The following HECW1 variants were observed in gnomAD, a reference collection of about 807,000 sequenced individuals.
HECW1 encodes the protein HECT, C2 and WW domain containing E3 ubiquitin protein ligase 1.
A neutral mutation model predicts 182.3 loss-of-function variants in HECW1; 61 were observed. That is an observed-to-expected ratio of 0.33 (90% CI 0.27 to 0.41). HECW1 has a LOEUF of 0.41. Among genes scored for constraint, HECW1 ranks in the 10% least tolerant of loss-of-function variants. HECW1 has a pLI of 1.00. For missense variants in HECW1, 1,739 were observed against 2,108.9 expected (o/e 0.82, Z 3.44); for synonymous variants, 859 against 832.6 (o/e 1.03, Z -0.55).
intron 8 of HECW1, among the ~76,000 whole-genome samples, chr7:43,412,751 A>G (rs377448453): frequency 4.0e-5 from 6 of 151,216 alleles, no homozygotes; most frequent in Admixed American, 4.0e-4. Context: ...ATGATTTCCA[A>G]TTTCATCCAT....
intron 16 of HECW1, among the ~76,000 whole-genome samples, chr7:43,469,617 T>C (rs1262661083): frequency 2.0e-5 from 3 of 152,192 alleles, no homozygotes; most frequent in Non-Finnish European, 2.9e-5. Context: ...CATGTGATCT[T>C]CCTGGCTTAC....
chr7:43,320,648 C>G lies in HECW1; in HGVS notation c.366C>G (p.Ser122=). The change falls in exon 5 of 30, where the codon TCC becomes TCG. Residue 122 remains serine (S), a synonymous_variant. Coordinates refer to ENST00000395891, the MANE Select transcript of HECW1 (RefSeq NM_015052.5). ...IGMYLIDEVL[S]ENFLDYKNRG... Reference sequence around the variant, plus strand: ...CTGGGAATATAGATGAGGTCTTGTCCGAAAACTTTCTGGACTATAAAAACC... The same window carrying G: ...CTGGGAATATAGATGAGGTCTTGTCGGAAAACTTTCTGGACTATAAAAACC... The G allele has an allele frequency of 6.2e-7, 1 of 1,613,458 alleles. No homozygotes were observed. Among genetic ancestry groups the G allele is most frequent in the Non-Finnish European group, 8.5e-7 (1 of 1,179,468 alleles).
chr7:43,131,719 T>A (rs1786939405), intron 2 of HECW1, among the ~76,000 whole-genome samples: 1 of 152,236 alleles, frequency 6.6e-6, no homozygotes, highest in African/African-American at 2.4e-5. Context: ...GCGCTATGAT[T>A]TAAACCCTTT....
At chr7:43,539,931 T>G (rs999688895) in intron 24 of HECW1, among the ~76,000 whole-genome samples, 1 of 152,198 alleles carries the variant, frequency 6.6e-6, no homozygotes, top group African/African-American at 2.4e-5. Flanking sequence ...AATGAAGCAC[T>G]GGTGGGGTAC....
chr7:43,552,692 T>G (rs531495698), intron 28 of HECW1, among the ~76,000 whole-genome samples: 1 of 152,260 alleles, frequency 6.6e-6, no homozygotes, highest in African/African-American at 2.4e-5. Flanking sequence ...TCTGGCTTCT[T>G]TGACTTAGCC....
At chr7:43,324,427 AC>A (rs1810530971) in intron 5 of HECW1, among the ~76,000 whole-genome samples, 1 of 152,254 alleles carries the variant, frequency 6.6e-6, no homozygotes, top group South Asian at 2.1e-4. Context: ...ATATAAATTT[AC>A]ATGTTATGTG....
At chr7:43,261,598 C>G (rs1446897444) in intron 3 of HECW1, among the ~76,000 whole-genome samples, 1 of 152,130 alleles carries the variant, frequency 6.6e-6, no homozygotes, top group African/African-American at 2.4e-5. Context: ...CGGACTCCAC[C>G]CCAATTACAT....
intron 26 of HECW1, among the ~76,000 whole-genome samples, chr7:43,543,175 T>G (rs2081423805): frequency 6.6e-6 from 1 of 152,230 alleles, no homozygotes; most frequent in Non-Finnish European, 1.5e-5. Context: ...AACCTCATTT[T>G]CTAGACCTAA....
intron 29 of HECW1, among the ~76,000 whole-genome samples, chr7:43,560,534 C>G (rs2082175640): frequency 6.6e-6 from 1 of 151,990 alleles, no homozygotes; most frequent in South Asian, 2.1e-4. Context: ...CAGATGAAAA[C>G]ACCAGCATCC....
At chr7:43,312,137 C>G in intron 4 of HECW1, 50 bp downstream of exon 4, 2 of 1,456,952 alleles carry the variant, frequency 1.4e-6, no homozygotes, top group Non-Finnish European at 1.9e-6. Flanking sequence ...TTTACATATG[C>G]TGTCACATTT....
At chr7:43,138,840 A>G (rs905154999) in intron 2 of HECW1, among the ~76,000 whole-genome samples, 3 of 152,196 alleles carry the variant, frequency 2.0e-5, no homozygotes, top group Non-Finnish European at 4.4e-5. Context: ...TTTAAATGTC[A>G]GATAAAGAGG....
chr7:43,389,619 C>CTGT (rs78728195), intron 6 of HECW1, among the ~76,000 whole-genome samples: 18,625 of 151,498 alleles, frequency 0.12, 1,280 homozygotes, highest in Middle Eastern at 0.29. Context: ...ATTGTTGTTG[C>CTGT]TGTTGTTGTT....
intron 2 of HECW1, among the ~76,000 whole-genome samples, chr7:43,173,432 A>C (rs1173493914): frequency 1.3e-5 from 2 of 152,204 alleles, no homozygotes; most frequent in Non-Finnish European, 2.9e-5. Flanking sequence ...ATCTGATTAA[A>C]TAAAGTTCTC....
At chr7:43,213,020 T>C (rs1027246431) in intron 2 of HECW1, among the ~76,000 whole-genome samples, 2 of 152,096 alleles carry the variant, frequency 1.3e-5, no homozygotes, top group African/African-American at 4.8e-5. Context: ...CAATATTATA[T>C]CAGTAAAAGC....
chr7:43,424,026 C>G lies in HECW1; in HGVS notation c.802-13977C>G, dbSNP rs188676760. 7.4e-4 allele frequency among the ~76,000 whole-genome samples: 113 copies of G among 152,282 alleles called. 1 individual carries two copies. The highest frequency in any genetic ancestry group is 2.6e-3 in the African/African-American group (109 of 41,566). On this transcript the variant is annotated intron_variant, in intron 8 of 29. Coordinates refer to ENST00000395891, the MANE Select transcript of HECW1 (RefSeq NM_015052.5). ...AATACAAGAATCAGGAATGATGGAGCAGGCAGGTGGGAGAGAACAAAAGAA... is the reference window on the plus strand; with the variant it reads ...AATACAAGAATCAGGAATGATGGAGGAGGCAGGTGGGAGAGAACAAAAGAA...
chr7:43,479,306 C>T (rs2078332907), intron 16 of HECW1, among the ~76,000 whole-genome samples: 1 of 152,136 alleles, frequency 6.6e-6, no homozygotes, highest in Admixed American at 6.5e-5. Flanking sequence ...AGATCCCACA[C>T]ATGCACGGTT....
chr7:43,504,557 C>T (rs2079500894), intron 21 of HECW1, among the ~76,000 whole-genome samples: 2 of 152,220 alleles, frequency 1.3e-5, no homozygotes, highest in African/African-American at 4.8e-5. Flanking sequence ...CTAGATGAAC[C>T]TTCCTGTCTG....
In HECW1 at chr7:43,463,676, C is replaced by T. The variant is rs1563011701; in HGVS notation, c.2668C>T (p.Arg890Ter). 4.3e-6 allele frequency: 7 copies of T among 1,613,702 alleles called. No homozygotes were observed. Among genetic ancestry groups the T allele is most frequent in the Non-Finnish European group, 5.1e-6 (6 of 1,179,780 alleles). The change falls in exon 14 of 30, where the codon CGA (arginine) becomes TGA (stop). Residue 890 changes from arginine (R) to a stop codon, truncating the protein, a stop_gained. Coordinates refer to ENST00000395891, the MANE Select transcript of HECW1 (RefSeq NM_015052.5). LOFTEE classifies it high-confidence loss of function. ...QLNRRYQNIQ[R>*]TIATERSEED... ...AATGCAAAGGTATCAAAACATTCAG[C>T]GAACCATTGCAACAGAGAGGTCCGA...
In HECW1 at chr7:43,354,815, G is replaced by T. The variant is rs12702037; in HGVS notation, c.461-6071G>T. 4.0e-3 allele frequency among the ~76,000 whole-genome samples: 607 copies of T among 152,186 alleles called. 3 individuals are homozygous for T. Among genetic ancestry groups the T allele is most frequent in the Middle Eastern group, 0.01 (3 of 294 alleles). ...TATCCATCCAGATACAGAAAGATCA[G>T]AGAACACCAAACAGATTCAACTCAA... On this transcript the variant is annotated intron_variant, in intron 5 of 29. Transcript: ENST00000395891.
Sources: allele counts gnomAD v4.1 joint callset (sites outside exome capture counted in the v4.1 genomes callset), GRCh38; gene constraint gnomAD v4.1.1; transcripts MANE v1.5; gene names NCBI Gene and HGNC (gene_info 2026-07-23, HGNC 2026-07-21).